The following PDE9A variants were observed in gnomAD, a reference collection of about 807,000 sequenced individuals.
PDE9A encodes phosphodiesterase 9A, also known as high affinity cGMP-specific 3',5'-cyclic phosphodiesterase 9A.
A neutral mutation model predicts 87.4 loss-of-function variants in PDE9A; 60 were observed. That is an observed-to-expected ratio of 0.69 (90% CI 0.56 to 0.85). The LOEUF is 0.85. Among genes scored for constraint, PDE9A ranks in the 40% least tolerant of loss-of-function variants. PDE9A has a pLI of 0.00. For missense variants in PDE9A, 665 were observed against 779.0 expected (o/e 0.85, Z 1.74); for synonymous variants, 272 against 279.4 (o/e 0.97, Z 0.27).
At chr21:42,745,937 G>A (rs35423232) in intron 8 of PDE9A, among the ~76,000 whole-genome samples, 1 of 152,244 alleles carries the variant, frequency 6.6e-6, no homozygotes, top group South Asian at 2.1e-4. Context: ...GCCCCAAGGG[G>A]TGTGTCTGGA....
chr21:42,674,313 A>ATTTTTTTTTTTTTTT (rs1383235765), intron 1 of PDE9A, among the ~76,000 whole-genome samples: 8 of 92,258 alleles, frequency 8.7e-5, no homozygotes, highest in South Asian at 3.1e-4. Flanking sequence ...GGCTTTAGAC[A>ATTTTTTTTTTTTTTT]TTCTTTTTTT....
rs923481861 is a variant in PDE9A at position 42,706,824 on chromosome 21, G to A, written c.262+7813G>A. Among the ~76,000 whole-genome samples, 5 of 151,592 alleles carry A rather than the reference G, an allele frequency of 3.3e-5. 1 individual carries two copies. Among genetic ancestry groups the A allele is most frequent in the Admixed American group, 2.6e-4 (4 of 15,222 alleles). Reference sequence around the variant, plus strand: ...CCTGGCAGGCCCTGTTCTCTGTCCTGTGCATTCTGACCTTTCACATAACAG... The same window carrying A: ...CCTGGCAGGCCCTGTTCTCTGTCCTATGCATTCTGACCTTTCACATAACAG... On this transcript the variant is annotated intron_variant, in intron 4 of 19. Coordinates refer to ENST00000291539, the MANE Select transcript of PDE9A (RefSeq NM_002606.3).
At chr21:42,657,556 G>A (rs1267175416) in intron 1 of PDE9A, among the ~76,000 whole-genome samples, 1 of 152,242 alleles carries the variant, frequency 6.6e-6, no homozygotes, top group Non-Finnish European at 1.5e-5. Context: ...TGCCTATGGA[G>A]AAAGGGTTTG....
At position 42,731,871 on chromosome 21, in the gene PDE9A, G is replaced by A. The variant is rs949774420; in HGVS notation, c.364G>A (p.Ala122Thr). The A allele has an allele frequency of 6.2e-7, 1 of 1,614,092 alleles. No homozygotes were observed. The highest frequency in any genetic ancestry group is 1.3e-5 in the African/African-American group (1 of 74,944). The change falls in exon 5 of 20, where the codon GCA (alanine) becomes ACA (threonine). Residue 122 changes from alanine to threonine, a missense_variant. By Grantham distance (58) the Ala-to-Thr change is moderately conservative (BLOSUM62 0). Coordinates refer to ENST00000291539, the MANE Select transcript of PDE9A (RefSeq NM_002606.3). ...VGLEQPRREG[A>T]FESGQVEPRP... is the part of the protein sequence containing the mutation. ...CCTGGAGCAGCCCCGGAGGGAAGGA[G>A]CATTTGAAAGTGGACAGGTAGAGCC...
chr21:42,658,576 C>T (rs2057263211), intron 1 of PDE9A, among the ~76,000 whole-genome samples: 1 of 152,230 alleles, frequency 6.6e-6, no homozygotes, highest in African/African-American at 2.4e-5. Context: ...GCTCAGCCCA[C>T]ACGCGCAGTG....
Position 42,746,773 on chromosome 21 carries a change from A to G in PDE9A, c.653+2913A>G, listed in dbSNP as rs553601846. Among the ~76,000 whole-genome samples, 247 of 152,366 alleles carry G rather than the reference A, an allele frequency of 1.6e-3. 1 individual carries two copies. Among genetic ancestry groups the G allele is most frequent in the Middle Eastern group, 6.8e-3 (2 of 294 alleles). Reference sequence around the variant, plus strand: ...AGACATCAGCCCCCAGGTGCCTGTCAGGCACGCCGGGCTGTGGGGGGCACC... The same window carrying G: ...AGACATCAGCCCCCAGGTGCCTGTCGGGCACGCCGGGCTGTGGGGGGCACC... On this transcript the variant is annotated intron_variant, in intron 8 of 19. Transcript: ENST00000291539.
intron 14 of PDE9A, 81 bp downstream of exon 14, chr21:42,762,320 C>A: frequency 7.0e-7 from 1 of 1,429,956 alleles, no homozygotes; most frequent in Non-Finnish European, 9.6e-7. Flanking sequence ...TGGCTGGAAG[C>A]TCCCAGAAGC....
rs984928799 is a variant in PDE9A at position 42,659,596 on chromosome 21, C to T, written c.69+5713C>T. ...CCTGGGCACAGCATAGCCCCCATGACGCTTCTCTCATCCTGGACCCATCAG... is the reference window on the plus strand; with the variant it reads ...CCTGGGCACAGCATAGCCCCCATGATGCTTCTCTCATCCTGGACCCATCAG... On this transcript the variant is annotated intron_variant, in intron 1 of 19. Coordinates refer to ENST00000291539, the MANE Select transcript of PDE9A (RefSeq NM_002606.3). This position sits in a 1 kb window ranked among gnomAD's most constrained non-coding sequence, Gnocchi z 4.1. 1.6e-4 allele frequency among the ~76,000 whole-genome samples: 24 copies of T among 152,232 alleles called. No individual in the cohort carries two copies. Among genetic ancestry groups the T allele is most frequent in the Admixed American group, 5.2e-4 (8 of 15,290 alleles).
chr21:42,671,642 A>G (rs1255811700), intron 1 of PDE9A, among the ~76,000 whole-genome samples: 1 of 152,260 alleles, frequency 6.6e-6, no homozygotes, highest in Non-Finnish European at 1.5e-5. Context: ...ATGGATGGAC[A>G]GATGATTGAT....
chr21:42,730,480 A>G (rs938480580), intron 4 of PDE9A, among the ~76,000 whole-genome samples: 4 of 152,184 alleles, frequency 2.6e-5, no homozygotes, highest in Non-Finnish European at 5.9e-5. Flanking sequence ...TAGAAAATGC[A>G]TAAGAAAAAG....
At chr21:42,733,664 A>T in intron 7 of PDE9A, 1 of 536,940 alleles carries the variant, frequency 1.9e-6, no homozygotes, top group South Asian at 2.5e-5. Context: ...TTTCAGCCCC[A>T]AAGAATAAAA....
chr21:42,663,832 C>G (rs1486578129), intron 1 of PDE9A, among the ~76,000 whole-genome samples: 1 of 152,220 alleles, frequency 6.6e-6, no homozygotes, highest in Non-Finnish European at 1.5e-5. Flanking sequence ...AGCACCTCCC[C>G]TCCCAGGCCT....
At chr21:42,767,740 C>T (rs1045779538) in intron 15 of PDE9A, among the ~76,000 whole-genome samples, 7 of 152,242 alleles carry the variant, frequency 4.6e-5, no homozygotes, top group African/African-American at 1.7e-4. Context: ...CAGCCCTCCA[C>T]CTCTTGTCCT....
intron 7 of PDE9A, among the ~76,000 whole-genome samples, chr21:42,735,166 T>C (rs978134731): frequency 6.6e-6 from 1 of 152,230 alleles, no homozygotes; most frequent in Non-Finnish European, 1.5e-5. Flanking sequence ...GAGCTGATGC[T>C]GTGCGGATGC....
rs908431861 is a variant in PDE9A, at chr21:42,695,120, G to T, written c.219-3848G>T. Among the ~76,000 whole-genome samples the T allele has an allele frequency of 6.6e-6, 1 of 152,152 alleles. No individual in the cohort carries two copies. The highest frequency in any genetic ancestry group is 1.5e-5 in the Non-Finnish European group (1 of 68,036). ...CGGCATTTGAAATAACCTGGAACAC[G>T]TTTACATCATGGAAAATATGGAAAA... is the stretch of plus-strand genomic sequence containing the variant. On this transcript the variant is annotated intron_variant, in intron 3 of 19. Transcript: ENST00000291539. This position sits in a 1 kb window ranked among gnomAD's most constrained non-coding sequence, Gnocchi z 4.3.
intron 4 of PDE9A, among the ~76,000 whole-genome samples, chr21:42,726,609 TATATA>T (rs1338728395): frequency 1.4e-3 from 35 of 25,488 alleles, no homozygotes; most frequent in African/African-American, 4.5e-3. Flanking sequence ...TATATATATA[TATATA>T]TATATATATA....
At chr21:42,672,786 C>T (rs1254118314) in intron 1 of PDE9A, among the ~76,000 whole-genome samples, 1 of 152,232 alleles carries the variant, frequency 6.6e-6, no homozygotes, top group African/African-American at 2.4e-5. Flanking sequence ...CAGCTTCTGT[C>T]GCACTGTGGA....
chr21:42,685,509 C>T (rs2059411133), intron 1 of PDE9A, among the ~76,000 whole-genome samples: 1 of 140,436 alleles, frequency 7.1e-6, no homozygotes, highest in South Asian at 2.2e-4. Flanking sequence ...TCTTGTTGCC[C>T]AGGCTGGAGT....
In PDE9A at chr21:42,760,739, A is replaced by T; in HGVS notation, c.1003-86A>T. The stretch of plus-strand genomic sequence containing the variant: ...CTGCAGGGGCCTTTGTCCCCCGCTT[A>T]CCACTCACCCAATTCCACCCCCCCT... On this transcript the variant is annotated intron_variant, in intron 12 of 19. Transcript: ENST00000291539. The surrounding 1 kb of genome is among the most constrained non-coding windows in gnomAD (Gnocchi z 5.2). The T allele has an allele frequency of 1.3e-6, 1 of 775,946 alleles. No individual in the cohort carries two copies. Among genetic ancestry groups the T allele is most frequent in the Non-Finnish European group, 2.2e-6 (1 of 445,456 alleles). 48.1% of individuals were successfully genotyped at this position (775,946 alleles called of 1,614,324 possible). A position where few individuals can be genotyped will look rare whatever the true frequency, so the allele number is the denominator to read the frequency against.
Sources: gnomAD v4.1 joint callset for allele counts (sites outside exome capture counted in the v4.1 genomes callset) on GRCh38, gnomAD v4.1.1 for gene constraint, Gnocchi (gnomAD v3.1) non-coding constraint, MANE v1.5 for transcripts, NCBI Gene and HGNC (gene_info 2026-07-23, HGNC 2026-07-21) for gene names.